RAB12: variants seen among roughly 807,000 people sequenced by gnomAD.
RAB12 encodes ras-related protein Rab-12.
In RAB12, 11 loss-of-function variants were observed where a neutral mutation model predicts 28.4. The observed-to-expected ratio is 0.39, with a 90% confidence interval of 0.24 to 0.64. The LOEUF (loss-of-function observed/expected upper bound fraction) is 0.64, where lower values mean the gene tolerates loss of function less well. Ranked by LOEUF, RAB12 falls within the 30% of genes least tolerant of loss-of-function variation. The pLI is 0.50. For missense variants in RAB12, 276 were observed against 351.1 expected (o/e 0.79, Z 1.71); for synonymous variants, 138 against 145.3 (o/e 0.95, Z 0.36).
chr18:8,622,183 A>G (rs2096010240), intron 1 of RAB12, among the ~76,000 whole-genome samples: 1 of 152,210 alleles, frequency 6.6e-6, no homozygotes, highest in Non-Finnish European at 1.5e-5. Flanking sequence ...AAGAAATATC[A>G]TCTGCCAGTT....
intron 1 of RAB12, among the ~76,000 whole-genome samples, chr18:8,615,618 C>G (rs1283398246): frequency 1.3e-5 from 2 of 152,170 alleles, no homozygotes; most frequent in South Asian, 4.1e-4. Context: ...GTGAGAGGAA[C>G]CAACATTTAG....
chr18:8,634,267 C>G (rs1163608196), intron 3 of RAB12, among the ~76,000 whole-genome samples: 3 of 87,726 alleles, frequency 3.4e-5, no homozygotes, highest in African/African-American at 9.7e-5. Context: ...TAGTGGGACT[C>G]CATCTCTCTC....
chr18:8,621,625 CT>C lies in RAB12; in HGVS notation c.515-3309del, dbSNP rs370175783. Among the ~76,000 whole-genome samples the C allele has an allele frequency of 3.3e-3, 502 of 151,984 alleles. 6 individuals are homozygous for C. The highest frequency in any genetic ancestry group is 0.012 in the African/African-American group (487 of 41,462). On this transcript the variant is annotated intron_variant, in intron 1 of 5. Coordinates refer to ENST00000649141, the MANE Select transcript of RAB12 (RefSeq NM_001025300.3). ...TTTCTTTTGTTTTTTTCCTTTCCAG[CT>C]TTTATTTTAGGGTCAGGGGGTACAT... is the stretch of plus-strand genomic sequence containing the variant.
chr18:8,633,430 T>A, intron 3 of RAB12, 103 bp downstream of exon 3: 1 of 1,319,666 alleles, frequency 7.6e-7, no homozygotes, highest in Non-Finnish European at 1.1e-6. Flanking sequence ...TGTTTTCATA[T>A]AGACTAAACA....
At chr18:8,624,791 T>TGTCCAA (rs2096011773) in intron 1 of RAB12, 147 bp from the exon 2 acceptor site, 3 of 616,788 alleles carry the variant, frequency 4.9e-6, no homozygotes, top group Non-Finnish European at 8.6e-6. Flanking sequence ...GTGCAGATAC[T>TGTCCAA]GCTTTTCCTT....
chr18:8,631,174 G>A (rs1598313139), intron 2 of RAB12, among the ~76,000 whole-genome samples: 1 of 152,258 alleles, frequency 6.6e-6, no homozygotes, highest in Non-Finnish European at 1.5e-5. Flanking sequence ...ACAGGCATGA[G>A]CCACTGCGCC....
At chr18:8,612,145 C>A (rs1174637978) in intron 1 of RAB12, among the ~76,000 whole-genome samples, 1 of 152,198 alleles carries the variant, frequency 6.6e-6, no homozygotes, top group Non-Finnish European at 1.5e-5. Context: ...AGAAGTGGAT[C>A]GGAGCTTCTG....
intron 2 of RAB12, among the ~76,000 whole-genome samples, chr18:8,626,501 C>A (rs967009662): frequency 6.6e-6 from 1 of 152,224 alleles, no homozygotes; most frequent in Non-Finnish European, 1.5e-5. Flanking sequence ...CGGCAGTATT[C>A]TTTATAAAGT....
intron 1 of RAB12, among the ~76,000 whole-genome samples, chr18:8,610,614 G>A (rs1211085313): frequency 2.0e-5 from 3 of 152,188 alleles, no homozygotes; most frequent in African/African-American, 7.2e-5. Flanking sequence ...GTACAGGAAC[G>A]CTCCAGGGTC....
intron 1 of RAB12, among the ~76,000 whole-genome samples, chr18:8,613,002 A>G (rs2096004687): frequency 6.6e-6 from 1 of 152,234 alleles, no homozygotes; most frequent in African/African-American, 2.4e-5. Context: ...ACTTTCTATA[A>G]AAGATCCGTA....
chr18:8,617,452 GTTT>G (rs77242592), intron 1 of RAB12, among the ~76,000 whole-genome samples: 1 of 143,778 alleles, frequency 7.0e-6, no homozygotes, highest in Non-Finnish European at 1.5e-5. Flanking sequence ...TTTGATCATG[GTTT>G]TTTTTTTTTT....
chr18:8,610,753 C>T (rs2096003331), intron 1 of RAB12, among the ~76,000 whole-genome samples: 1 of 152,172 alleles, frequency 6.6e-6, no homozygotes, highest in Admixed American at 6.5e-5. Context: ...CTATGGAAAA[C>T]CCCTTAAAAG....
At chr18:8,629,539 G>T (rs1000548695) in intron 2 of RAB12, among the ~76,000 whole-genome samples, 1 of 152,186 alleles carries the variant, frequency 6.6e-6, no homozygotes, top group African/African-American at 2.4e-5. Flanking sequence ...CAGGACCTGG[G>T]TAGACAGAAA....
At chr18:8,635,503 T>A (rs2096018372) in intron 3 of RAB12, 30 bp from the exon 4 acceptor site, 1 of 1,537,968 alleles carries the variant, frequency 6.5e-7, no homozygotes, top group Non-Finnish European at 9.0e-7. Flanking sequence ...TGCCCATCTT[T>A]GAAATGTGGC....
chr18:8,624,950 A>G lies in RAB12; in HGVS notation c.527A>G (p.Lys176Arg). 4 of 1,600,090 alleles carry G rather than the reference A, an allele frequency of 2.5e-6. No homozygotes were observed. Among genetic ancestry groups the G allele is most frequent in the Non-Finnish European group, 3.4e-6 (4 of 1,168,164 alleles). Residue 176 changes from lysine to arginine, a missense_variant, in exon 2 of 6, where the codon AAA (lysine) becomes AGA (arginine). Transcript: ENST00000649141. Reference protein sequence around the residue: ...ACKSTVGVDFKIKTVELRGKK... With the variant: ...ACKSTVGVDFRIKTVELRGKK... ...GTTTTATTTACAGGTGTTGACTTCA[A>G]AATCAAAACTGTAGAGCTAAGAGGA...
chr18:8,613,829 A>AAGTAAT (rs2096005190), intron 1 of RAB12, among the ~76,000 whole-genome samples: 1 of 148,656 alleles, frequency 6.7e-6, no homozygotes, highest in African/African-American at 2.5e-5. Context: ...CTATAAATAG[A>AAGTAAT]AGTAGTAGTA....
intron 1 of RAB12, among the ~76,000 whole-genome samples, chr18:8,624,713 A>G (rs763422460): frequency 3.3e-5 from 5 of 152,214 alleles, no homozygotes; most frequent in Non-Finnish European, 7.3e-5. Context: ...CACTCAGGAT[A>G]AGACATAACA....
intron 2 of RAB12, among the ~76,000 whole-genome samples, chr18:8,628,556 C>T (rs1276129083): frequency 6.6e-6 from 1 of 152,158 alleles, no homozygotes; most frequent in Non-Finnish European, 1.5e-5. Context: ...CATGTTTCCT[C>T]ATTGGGATTT....
At chr18:8,619,292 G>C (rs2096008462) in intron 1 of RAB12, among the ~76,000 whole-genome samples, 2 of 152,248 alleles carry the variant, frequency 1.3e-5, no homozygotes, top group African/African-American at 4.8e-5. Flanking sequence ...GACCACAGTG[G>C]TGGTTAGGCT....
Sources: allele counts gnomAD v4.1 joint callset (sites outside exome capture counted in the v4.1 genomes callset), GRCh38; gene constraint gnomAD v4.1.1; transcripts MANE v1.5; gene names NCBI Gene and HGNC (gene_info 2026-07-23, HGNC 2026-07-21).